The following ARHGAP32 variants were observed in gnomAD, a reference collection of about 807,000 sequenced individuals.
The protein encoded by ARHGAP32 is rho GTPase-activating protein 32.
A neutral mutation model predicts 186.5 loss-of-function variants in ARHGAP32; 51 were observed. That is an observed-to-expected ratio of 0.27 (90% confidence interval 0.22 to 0.35). The LOEUF (loss-of-function observed/expected upper bound fraction) is 0.35, where lower values mean the gene tolerates loss of function less well. Ranked by LOEUF, ARHGAP32 falls within the 10% of genes least tolerant of loss-of-function variation. The pLI is 1.00. For missense variants in ARHGAP32, 2,186 were observed against 2,623.5 expected (o/e 0.83, Z 3.64); for synonymous variants, 950 against 964.3 (o/e 0.99, Z 0.27).
At chr11:129,071,956 C>CA (rs1322864996) in intron 6 of ARHGAP32, among the ~76,000 whole-genome samples, 1 of 151,766 alleles carries the variant, frequency 6.6e-6, no homozygotes, top group Admixed American at 6.6e-5. Flanking sequence ...ATAAGCCTGG[C>CA]AAAAAAAGAC....
In ARHGAP32 at chr11:129,181,380, G is replaced by A. The variant is rs976472475; in HGVS notation, c.116+10703C>T. ...GAGAACAGCTCTTTGAGATATGTCC[G>A]AAGTGCTCAGTTTGGTGTTCTCTAT... On this transcript the variant is annotated intron_variant, in intron 1 of 22. Transcript: ENST00000682385. 4.6e-5 allele frequency among the ~76,000 whole-genome samples: 7 copies of A among 152,176 alleles called. No homozygotes were observed. In the East Asian group the frequency reaches 7.7e-4, roughly 17 times the overall value.
chr11:129,239,155 A>G lies in ARHGAP32; in HGVS notation c.-5+39991T>C, dbSNP rs145967684. ...GTGAACCACTATGCCAGGCCACGAT[A>G]ATAATTTTTCTAAGCCCTCGCATAT... On this transcript the variant is annotated intron_variant, in intron 1 of 6. Transcript: ENST00000525234. 4.6e-4 allele frequency among the ~76,000 whole-genome samples: 70 copies of G among 152,274 alleles called. No individual in the cohort carries two copies. In the East Asian group the frequency reaches 0.011, roughly 23 times the overall value.
chr11:129,023,317 A>G (rs915572135), intron 11 of ARHGAP32, among the ~76,000 whole-genome samples: 2 of 152,238 alleles, frequency 1.3e-5, no homozygotes, highest in African/African-American at 4.8e-5. Context: ...GAGGCGGGGA[A>G]GAACCATACT....
chr11:129,006,041 G>A (rs532859076), intron 11 of ARHGAP32, among the ~76,000 whole-genome samples: 3 of 151,808 alleles, frequency 2.0e-5, no homozygotes, highest in African/African-American at 7.3e-5. Flanking sequence ...TCAGTATTTC[G>A]ATTGCATTTC....
intron 5 of ARHGAP32, among the ~76,000 whole-genome samples, chr11:129,116,289 G>C (rs1254209649): frequency 2.6e-5 from 4 of 151,990 alleles, no homozygotes; most frequent in Non-Finnish European, 5.9e-5. Context: ...CTCCACTATA[G>C]ATATATTTTT....
chr11:129,245,350 CA>C (rs1945077695), intron 1 of ARHGAP32, among the ~76,000 whole-genome samples: 1 of 147,746 alleles, frequency 6.8e-6, no homozygotes, highest in Non-Finnish European at 1.5e-5. Flanking sequence ...ATCTCAAGAA[CA>C]AAAAACCAAA....
rs551838597 is a variant in ARHGAP32, at chr11:129,095,158, G to T, written c.445-1451C>A. 6.6e-4 allele frequency among the ~76,000 whole-genome samples: 100 copies of T among 152,204 alleles called. 2 individuals are homozygous for T. In the South Asian group the frequency reaches 0.021, roughly 31 times the overall value. ...AATGATAAAAGCATAGTTTAAAAAA[G>T]AAATAAAATAATTAAGGGTGAAAAG... On this transcript the variant is annotated intron_variant, in intron 5 of 22. Transcript: ENST00000682385.
chr11:129,257,783 A>G (rs1945273462), intron 1 of ARHGAP32, among the ~76,000 whole-genome samples: 1 of 151,996 alleles, frequency 6.6e-6, no homozygotes, highest in Non-Finnish European at 1.5e-5. Flanking sequence ...CAGAATGAAC[A>G]ATGAAATCTC....
Position 128,967,158 on chromosome 11 carries a change from TTTA to T in ARHGAP32, c.*1746_*1748del, listed in dbSNP as rs1945239699. 6.6e-6 allele frequency: 1 copy of T among 152,234 alleles called. No homozygotes were observed. Among genetic ancestry groups the T allele is most frequent in the Non-Finnish European group, 1.5e-5 (1 of 68,036 alleles). 9.4% of individuals were successfully genotyped at this position (152,234 alleles called of 1,614,324 possible). On this transcript the variant is annotated 3_prime_UTR_variant, in exon 23 of 23. Transcript: ENST00000682385. ...TATCAATGTGTTGTTCTTGAAACAT[TTTA>T]TTTTTTTCTAAATATAAACCCTTAA...
chr11:129,058,591 T>C (rs572790571), intron 10 of ARHGAP32, among the ~76,000 whole-genome samples: 1 of 152,346 alleles, frequency 6.6e-6, no homozygotes, highest in South Asian at 2.1e-4. Flanking sequence ...TCAGGGCTGC[T>C]GCAGAAGGCC....
At chr11:128,989,515 TTCAC>T (rs1255717398) in intron 12 of ARHGAP32, among the ~76,000 whole-genome samples, 9 of 87,180 alleles carry the variant, frequency 1.0e-4, no homozygotes, top group African/African-American at 1.2e-4. Context: ...TGTTTTTTAT[TTCAC>T]ACACACACAC....
intron 9 of ARHGAP32, 102 bp downstream of exon 9, chr11:129,063,800 T>C: frequency 7.6e-7 from 1 of 1,313,624 alleles, no homozygotes; most frequent in Non-Finnish European, 1.0e-6. Flanking sequence ...AACCTGGTGC[T>C]TTTCATTTTT....
intron 1 of ARHGAP32, among the ~76,000 whole-genome samples, chr11:129,240,602 C>T (rs995123756): frequency 2.0e-5 from 3 of 152,142 alleles, no homozygotes; most frequent in African/African-American, 7.2e-5. Flanking sequence ...GCTGTCTTGT[C>T]TCTGAATTCC....
At chr11:129,053,915 A>G (rs1027154764) in intron 10 of ARHGAP32, among the ~76,000 whole-genome samples, 3 of 152,164 alleles carry the variant, frequency 2.0e-5, no homozygotes, top group African/African-American at 7.2e-5. Context: ...AGGATATTAC[A>G]TGAATATGAT....
chr11:129,051,903 C>A (rs1349242759), intron 10 of ARHGAP32, among the ~76,000 whole-genome samples: 1 of 131,972 alleles, frequency 7.6e-6, no homozygotes, highest in Non-Finnish European at 1.5e-5. Context: ...TGCAGTGAGC[C>A]GAGATTGGGC....
rs1945267523 is a variant in ARHGAP32, at chr11:128,968,417, G to A, written c.*490C>T. 1 of 152,282 alleles carries A rather than the reference G, an allele frequency of 6.6e-6. No individual in the cohort carries two copies. Among genetic ancestry groups the A allele is most frequent in the South Asian group, 2.1e-4 (1 of 4,832 alleles). 9.4% of individuals were successfully genotyped at this position (152,282 alleles called of 1,614,324 possible). Reference sequence around the variant, plus strand: ...TGAACACAAGATCCTTCTCAGACGGGGAGAATGAAGTGACAACAGTGTGTC... The same window carrying A: ...TGAACACAAGATCCTTCTCAGACGGAGAGAATGAAGTGACAACAGTGTGTC... On this transcript the variant is annotated 3_prime_UTR_variant, in exon 23 of 23. Coordinates refer to ENST00000682385, the MANE Select transcript of ARHGAP32 (RefSeq NM_001378024.1).
chr11:129,122,468 T>C (rs999454851), intron 5 of ARHGAP32, among the ~76,000 whole-genome samples: 3 of 152,124 alleles, frequency 2.0e-5, no homozygotes, highest in Non-Finnish European at 4.4e-5. Flanking sequence ...ACTGTTTTCT[T>C]AATCAGTTCT....
chr11:129,018,633 G>C (rs545139589), intron 11 of ARHGAP32, among the ~76,000 whole-genome samples: 1 of 152,228 alleles, frequency 6.6e-6, no homozygotes, highest in South Asian at 2.1e-4. Context: ...ATCTTACTCA[G>C]TCTATAGCCT....
intron 11 of ARHGAP32, among the ~76,000 whole-genome samples, chr11:129,019,575 T>C (rs546385735): frequency 6.6e-6 from 1 of 152,276 alleles, no homozygotes; most frequent in South Asian, 2.1e-4. Flanking sequence ...CAAAACTTTA[T>C]TCCTTTCCTC....
Sources: allele counts gnomAD v4.1 joint callset (sites outside exome capture counted in the v4.1 genomes callset), GRCh38; gene constraint gnomAD v4.1.1; transcripts MANE v1.5; gene names NCBI Gene and HGNC (gene_info 2026-07-23, HGNC 2026-07-21).